ENOX2: variants seen among roughly 807,000 people sequenced by gnomAD.
ENOX2 encodes the protein ecto-NOX disulfide-thiol exchanger 2, also known as APK1 antigen.
A neutral mutation model predicts 45.0 loss-of-function variants in ENOX2; 36 were observed. The observed-to-expected ratio is 0.80, with a 90% CI of 0.61 to 1.06. The LOEUF is 1.06. ENOX2 is among the 50% of genes least tolerant of loss of function. The probability of loss-of-function intolerance (pLI) is 0.00; values close to 1 mark genes in which losing one functional copy is unlikely to be tolerated. For synonymous variants in ENOX2, 174 were observed against 152.3 expected, an observed-to-expected ratio of 1.14 and a Z score of -1.05; for missense variants, 423 against 462.5, an observed-to-expected ratio of 0.91 and a Z score of 0.78.
chrX:130,899,366 C>T (rs766143512), intron 2 of ENOX2, among the ~76,000 whole-genome samples: 77 of 111,900 alleles, frequency 6.9e-4, no homozygotes, highest in Admixed American at 1.5e-3. Context: ...TAGGTGACTA[C>T]CATGTGTCAA....
chrX:130,843,173 G>A (rs957952434), intron 2 of ENOX2, among the ~76,000 whole-genome samples: 5 of 111,051 alleles, frequency 4.5e-5, no homozygotes, highest in Admixed American at 2.9e-4. Context: ...TCTTCCTCTC[G>A]TGTTCTCCAA....
intron 3 of ENOX2, among the ~76,000 whole-genome samples, chrX:130,775,669 C>T (rs1227519941): frequency 9.0e-6 from 1 of 111,310 alleles, no homozygotes; most frequent in Non-Finnish European, 1.9e-5. Context: ...TCAAGGAATA[C>T]ATTTGAAGCT....
chrX:130,673,019 A>G (rs1325319761), intron 6 of ENOX2, among the ~76,000 whole-genome samples: 1 of 111,874 alleles, frequency 8.9e-6, no homozygotes, highest in Non-Finnish European at 1.9e-5. Flanking sequence ...GTAAGAAAAC[A>G]TCCAGTACAT....
chrX:130,850,833 G>C (rs1302647241), intron 2 of ENOX2, among the ~76,000 whole-genome samples: 1 of 112,370 alleles, frequency 8.9e-6, no homozygotes, highest in African/African-American at 3.2e-5. Context: ...AGTGGGAAGA[G>C]AGCAGGGAGA....
chrX:130,804,426 G>A (rs894647250), intron 2 of ENOX2, among the ~76,000 whole-genome samples: 2 of 111,686 alleles, frequency 1.8e-5, no homozygotes, highest in Admixed American at 9.5e-5. Context: ...TATTTCCCTC[G>A]TCTTGGGCAC....
chrX:130,637,493 C>T (rs758746177), intron 10 of ENOX2, 83 bp from the exon 11 acceptor site: 117 of 838,234 alleles, frequency 1.4e-4, no homozygotes, highest in Admixed American at 1.9e-4. Flanking sequence ...TTGGTTCTTC[C>T]TCTTGATGAA....
chrX:130,736,950 A>G (rs995964422), intron 3 of ENOX2, among the ~76,000 whole-genome samples: 2 of 111,999 alleles, frequency 1.8e-5, no homozygotes, highest in African/African-American at 6.5e-5. Context: ...CTGTTGTGAG[A>G]GAAGCCCCCA....
At chrX:130,703,020 G>T in intron 4 of ENOX2, 100 bp downstream of exon 4, 1 of 903,085 alleles carries the variant, frequency 1.1e-6, no homozygotes, top group Non-Finnish European at 1.5e-6. Flanking sequence ...GGCAGAATCT[G>T]GTAAATGTCA....
At chrX:130,902,116 G>A (rs1044627947) in intron 1 of ENOX2, among the ~76,000 whole-genome samples, 1 of 111,242 alleles carries the variant, frequency 9.0e-6, no homozygotes, top group Non-Finnish European at 1.9e-5. Flanking sequence ...TTCCATAGAT[G>A]AACTCACCAC....
chrX:130,869,169 T>C (rs1027930840), intron 2 of ENOX2, among the ~76,000 whole-genome samples: 3 of 110,952 alleles, frequency 2.7e-5, no homozygotes, highest in Non-Finnish European at 5.7e-5. Context: ...AGATCCTCCA[T>C]CATCCTGCTT....
chrX:130,845,956 TC>T (rs1428897038), intron 2 of ENOX2, among the ~76,000 whole-genome samples: 4 of 112,352 alleles, frequency 3.6e-5, no homozygotes, highest in African/African-American at 1.3e-4. Flanking sequence ...GTCTTGAATA[TC>T]ATAAAACTTT....
At chrX:130,720,631 C>T (rs778586846) in intron 3 of ENOX2, among the ~76,000 whole-genome samples, 1 of 112,405 alleles carries the variant, frequency 8.9e-6, no homozygotes, top group East Asian at 2.8e-4. Flanking sequence ...AAGAGTACAT[C>T]TCAGTTCAGA....
At chrX:130,785,973 A>G (rs1471688049) in intron 2 of ENOX2, among the ~76,000 whole-genome samples, 1 of 112,847 alleles carries the variant, frequency 8.9e-6, no homozygotes, top group Non-Finnish European at 1.9e-5. Flanking sequence ...GCAAAGATAA[A>G]CACATACATA....
intron 2 of ENOX2, among the ~76,000 whole-genome samples, chrX:130,898,726 T>TC (rs1277689875): frequency 9.2e-6 from 1 of 108,492 alleles, no homozygotes; most frequent in Non-Finnish European, 1.9e-5. Context: ...TTTAAGATGT[T>TC]CTTTTTTTTC....
At chrX:130,642,027 C>T (rs1200091748) in intron 10 of ENOX2, among the ~76,000 whole-genome samples, 1 of 112,129 alleles carries the variant, frequency 8.9e-6, no homozygotes, top group Non-Finnish European at 1.9e-5. Flanking sequence ...TTCTGACTTT[C>T]AAGTCTTATT....
chrX:130,867,081 T>C (rs1190964155), intron 2 of ENOX2, among the ~76,000 whole-genome samples: 2 of 111,521 alleles, frequency 1.8e-5, no homozygotes, highest in East Asian at 5.5e-4. Flanking sequence ...AATAACATGT[T>C]TACAAAAATA....
chrX:130,695,029 G>C (rs2037719550), intron 4 of ENOX2, among the ~76,000 whole-genome samples: 1 of 111,875 alleles, frequency 8.9e-6, no homozygotes, highest in African/African-American at 3.3e-5. Flanking sequence ...AGCTGAAAGA[G>C]ATAACACAGT....
intron 2 of ENOX2, among the ~76,000 whole-genome samples, chrX:130,894,571 T>C (rs907061609): frequency 8.3e-5 from 9 of 109,022 alleles, no homozygotes; most frequent in African/African-American, 3.0e-4. Flanking sequence ...TATTTCAAAA[T>C]AAAAATAATA....
chrX:130,634,962 G>A, intron 12 of ENOX2, 22 bp downstream of exon 12: 1 of 864,895 alleles, frequency 1.2e-6, no homozygotes, highest in Non-Finnish European at 1.7e-6. Context: ...CAAGGAAAAA[G>A]GTTCACTTAG....
Sources: gnomAD v4.1 joint callset for allele counts (sites outside exome capture counted in the v4.1 genomes callset) on GRCh38, gnomAD v4.1.1 for gene constraint, MANE v1.5 for transcripts, NCBI Gene and HGNC (gene_info 2026-07-23, HGNC 2026-07-21) for gene names.